TECPR2: variants seen among roughly 807,000 people sequenced by gnomAD.
TECPR2 encodes tectonin beta-propeller repeat containing 2.
Under a neutral mutation model 138.1 loss-of-function variants are expected in TECPR2, and 65 were observed. The ratio of observed to expected loss-of-function variants is 0.47; its 90% CI spans 0.39 to 0.58. The LOEUF is 0.58. TECPR2 is among the 20% of genes least tolerant of loss of function. The probability of loss-of-function intolerance (pLI) is 0.00; values close to 1 mark genes in which losing one functional copy is unlikely to be tolerated. For synonymous variants in TECPR2, 746 were observed against 749.8 expected (o/e 0.99, Z 0.08); for missense variants, 1,553 against 1,824.5 (o/e 0.85, Z 2.71).
intron 16 of TECPR2, among the ~76,000 whole-genome samples, chr14:102,453,405 G>T (rs1261911515): frequency 1.3e-5 from 2 of 152,138 alleles, no homozygotes; most frequent in East Asian, 3.9e-4. Flanking sequence ...GCTTGAACCC[G>T]GGAGGCGGGG....
intron 2 of TECPR2, among the ~76,000 whole-genome samples, chr14:102,402,752 T>A (rs2139687609): frequency 6.6e-6 from 1 of 152,238 alleles, no homozygotes; most frequent in South Asian, 2.1e-4. Context: ...TATGACAGGA[T>A]GGTGATCTGT....
intron 17 of TECPR2, among the ~76,000 whole-genome samples, chr14:102,492,784 G>A (rs1370580722): frequency 1.3e-5 from 2 of 152,230 alleles, no homozygotes; most frequent in African/African-American, 4.8e-5. Context: ...CGGAAGGGAC[G>A]ACTGGCAAGG....
chr14:102,399,110 A>G (rs1888398252), intron 2 of TECPR2, among the ~76,000 whole-genome samples: 1 of 152,168 alleles, frequency 6.6e-6, no homozygotes, highest in South Asian at 2.1e-4. Flanking sequence ...AAATACAAAA[A>G]TTAGCCAGGG....
intron 17 of TECPR2, among the ~76,000 whole-genome samples, chr14:102,488,841 A>G (rs1042061754): frequency 5.3e-5 from 8 of 151,896 alleles, no homozygotes; most frequent in African/African-American, 1.9e-4. Flanking sequence ...TACATTTGCA[A>G]TGTTGTGCAA....
intron 1 of TECPR2, among the ~76,000 whole-genome samples, chr14:102,364,393 A>G (rs1887284250): frequency 6.6e-6 from 1 of 152,226 alleles, no homozygotes. Context: ...ATCGTGTGCC[A>G]GCACTGTGCC....
At chr14:102,463,615 G>A (rs56757112) in intron 16 of TECPR2, among the ~76,000 whole-genome samples, 4,261 of 151,668 alleles carry the variant, frequency 0.028, 186 homozygotes, top group African/African-American at 0.098. Context: ...AACTTTTTGG[G>A]GTGACTAAGT....
At chr14:102,401,616 G>GA (rs946250086) in intron 2 of TECPR2, among the ~76,000 whole-genome samples, 11 of 151,332 alleles carry the variant, frequency 7.3e-5, no homozygotes, top group African/African-American at 2.7e-4. Flanking sequence ...TGTCTCTACT[G>GA]AAAAGTGGAA....
intron 2 of TECPR2, among the ~76,000 whole-genome samples, chr14:102,381,571 C>T (rs1010057272): frequency 6.6e-6 from 1 of 152,104 alleles, no homozygotes; most frequent in African/African-American, 2.4e-5. Flanking sequence ...GAGACTCCAT[C>T]TGAAAAATAA....
chr14:102,468,971 T>C (rs925794117), intron 17 of TECPR2, among the ~76,000 whole-genome samples: 12 of 152,250 alleles, frequency 7.9e-5, no homozygotes, highest in African/African-American at 2.9e-4. Flanking sequence ...TCTGTGTATC[T>C]ATCCTTAAAC....
intron 17 of TECPR2, among the ~76,000 whole-genome samples, chr14:102,494,602 C>T (rs147241249): frequency 0.012 from 1,794 of 149,914 alleles, 42 homozygotes; most frequent in African/African-American, 0.042. Flanking sequence ...CCGAGGTGGG[C>T]GGATCACCTG....
chr14:102,411,133 CCACTCT>C (rs1219691725), intron 4 of TECPR2, among the ~76,000 whole-genome samples: 20 of 152,368 alleles, frequency 1.3e-4, no homozygotes, highest in Admixed American at 5.9e-4. Context: ...TTAATCTCTC[CCACTCT>C]ATGTTCCCAC....
chr14:102,449,252 G>C (rs558964312), intron 13 of TECPR2, among the ~76,000 whole-genome samples: 1 of 152,320 alleles, frequency 6.6e-6, no homozygotes, highest in Non-Finnish European at 1.5e-5. Context: ...CAGAAAAGAT[G>C]GCAAAATTAT....
intron 16 of TECPR2, among the ~76,000 whole-genome samples, chr14:102,455,887 A>T (rs914336578): frequency 5.3e-5 from 8 of 152,348 alleles, no homozygotes; most frequent in African/African-American, 1.9e-4. Flanking sequence ...TGCTGGGATT[A>T]CAGGCGTGAG....
intron 17 of TECPR2, among the ~76,000 whole-genome samples, chr14:102,487,457 TTGATAAAAGCTA>T (rs1465259534): frequency 6.6e-6 from 1 of 152,252 alleles, no homozygotes; most frequent in Non-Finnish European, 1.5e-5. Context: ...CACACGTGTG[TTGATAAAAGCTA>T]TGATAAAAGC....
At position 102,438,110 on chromosome 14, in the gene TECPR2, A is replaced by G; in HGVS notation, c.2483A>G (p.Tyr828Cys). The G allele has an allele frequency of 6.2e-7, 1 of 1,614,022 alleles. No homozygotes were observed. Among genetic ancestry groups the G allele is most frequent in the Non-Finnish European group, 8.5e-7 (1 of 1,179,992 alleles). ...VSEKYIWCLDYKGGLFCSALP... is the reference protein window; with the variant it reads ...VSEKYIWCLDCKGGLFCSALP... ...GAGAAGTATATCTGGTGCCTGGACTACAAAGGCGGCCTGTTCTGCAGCGCG... is the reference window on the plus strand; with the variant it reads ...GAGAAGTATATCTGGTGCCTGGACTGCAAAGGCGGCCTGTTCTGCAGCGCG... The change falls in exon 10 of 20, where the codon TAC becomes TGC. Residue 828 changes from tyrosine to cysteine, a missense_variant. By Grantham distance (194) the Tyr-to-Cys change is radical. Transcript: ENST00000359520.
At chr14:102,466,648 A>G (rs1345792751) in intron 17 of TECPR2, among the ~76,000 whole-genome samples, 2 of 152,042 alleles carry the variant, frequency 1.3e-5, no homozygotes, top group East Asian at 1.9e-4. Context: ...ACAACTTTAT[A>G]TTTTTCCTTT....
chr14:102,434,223 A>C lies in TECPR2; in HGVS notation c.1418-12A>C. ...ACCGTGCCTTATTTTGAATGTTCTT[A>C]TTCTGAATTAGAAGGTGGAAGCAGG... On this transcript the variant is annotated splice_polypyrimidine_tract_variant and intron_variant, in intron 8 of 19. Coordinates refer to ENST00000359520, the MANE Select transcript of TECPR2 (RefSeq NM_014844.5). 1 of 1,354,698 alleles carries C rather than the reference A, an allele frequency of 7.4e-7. No individual in the cohort carries two copies. Among genetic ancestry groups the C allele is most frequent in the Admixed American group, 2.8e-5 (1 of 36,362 alleles). 83.9% of individuals were successfully genotyped at this position (1,354,698 alleles called of 1,614,324 possible).
intron 5 of TECPR2, among the ~76,000 whole-genome samples, chr14:102,418,424 G>T (rs1159549922): frequency 1.3e-5 from 2 of 152,220 alleles, no homozygotes; most frequent in African/African-American, 4.8e-5. Flanking sequence ...CTCTTTAATA[G>T]GATGACAGGG....
At chr14:102,427,515 C>G (rs1180244875) in intron 6 of TECPR2, among the ~76,000 whole-genome samples, 1 of 152,196 alleles carries the variant, frequency 6.6e-6, no homozygotes, top group Non-Finnish European at 1.5e-5. Context: ...GACTCTCCTT[C>G]TACAACAGAC....
Sources: gnomAD v4.1 joint callset for allele counts (sites outside exome capture counted in the v4.1 genomes callset) on GRCh38, gnomAD v4.1.1 for gene constraint, MANE v1.5 for transcripts, NCBI Gene and HGNC (gene_info 2026-07-23, HGNC 2026-07-21) for gene names.